The following BMP7 variants were observed in gnomAD, a reference collection of about 807,000 sequenced individuals.
BMP7 encodes osteogenic protein 1.
Under a neutral mutation model 41.2 loss-of-function variants are expected in BMP7, and 12 were observed. The ratio of observed to expected loss-of-function variants is 0.29; its 90% CI spans 0.19 to 0.47. The LOEUF (loss-of-function observed/expected upper bound fraction) is 0.47. BMP7 is among the 20% of genes least tolerant of loss of function. The probability of loss-of-function intolerance (pLI) is 0.99; values close to 1 mark genes in which losing one functional copy is unlikely to be tolerated. For missense variants in BMP7, 467 were observed against 606.0 expected (o/e 0.77, Z 2.41); for synonymous variants, 248 against 250.0 (o/e 0.99, Z 0.07).
In BMP7 at chr20:57,172,655, C is replaced by T. The variant is rs79979810; in HGVS notation, c.1146+545G>A. 1.3e-3 allele frequency among the ~76,000 whole-genome samples: 191 copies of T among 152,334 alleles called. 1 individual carries two copies. Among genetic ancestry groups the T allele is most frequent in the African/African-American group, 4.4e-3 (183 of 41,576 alleles). On this transcript the variant is annotated intron_variant, in intron 6 of 6. Transcript: ENST00000395863. ...CTCTTATCACTATGGTTGCTGTTGG[C>T]AGAGCAGGAATAACACCTACTGAGT...
At chr20:57,239,527 A>C (rs749829054) in intron 1 of BMP7, among the ~76,000 whole-genome samples, 3 of 152,160 alleles carry the variant, frequency 2.0e-5, no homozygotes, top group Non-Finnish European at 4.4e-5. Context: ...TGGGGTCTGG[A>C]GGACAGTGGC....
At chr20:57,226,824 CTT>C (rs36113686) in intron 2 of BMP7, among the ~76,000 whole-genome samples, 37 of 123,140 alleles carry the variant, frequency 3.0e-4, no homozygotes, top group Non-Finnish European at 4.0e-4. Flanking sequence ...TACTCAAAAA[CTT>C]TTTTTTTTTT....
chr20:57,198,957 C>T (rs7267590), intron 3 of BMP7, among the ~76,000 whole-genome samples: 5,042 of 152,300 alleles, frequency 0.033, 278 homozygotes, highest in African/African-American at 0.11. Context: ...TCTCCACCCA[C>T]GCACAGTGTA....
chr20:57,180,710 T>C (rs543640685), intron 4 of BMP7, among the ~76,000 whole-genome samples: 2 of 152,218 alleles, frequency 1.3e-5, no homozygotes, highest in South Asian at 2.1e-4. Flanking sequence ...CAAAGACCCC[T>C]TTGAGAAACC....
intron 1 of BMP7, among the ~76,000 whole-genome samples, chr20:57,265,503 C>G (rs1185599905): frequency 6.6e-6 from 1 of 152,266 alleles, no homozygotes; most frequent in Non-Finnish European, 1.5e-5. Flanking sequence ...CCCCTACAGG[C>G]TCACCGAACC....
chr20:57,189,526 G>A (rs1984301121), intron 3 of BMP7, among the ~76,000 whole-genome samples: 1 of 152,228 alleles, frequency 6.6e-6, no homozygotes, highest in Non-Finnish European at 1.5e-5. Flanking sequence ...CGCAGAGACA[G>A]GGTGCCATTC....
chr20:57,202,395 C>A (rs1984641520), intron 3 of BMP7, 80 bp downstream of exon 3: 2 of 1,549,326 alleles, frequency 1.3e-6, no homozygotes, highest in Non-Finnish European at 1.7e-6. Context: ...TGTAGTGAAG[C>A]AAGCATGAGC....
chr20:57,213,446 C>G lies in BMP7; in HGVS notation c.612-10823G>C, dbSNP rs920237298. Among the ~76,000 whole-genome samples the G allele has an allele frequency of 2.6e-5, 4 of 152,210 alleles. No homozygotes were observed. The highest frequency in any genetic ancestry group is 9.7e-5 in the African/African-American group (4 of 41,444). On this transcript the variant is annotated intron_variant, in intron 2 of 6. Coordinates refer to ENST00000395863, the MANE Select transcript of BMP7 (RefSeq NM_001719.3). This position sits in a 1 kb window ranked among gnomAD's most constrained non-coding sequence, Gnocchi z 4.4. ...TGAGGTTGGGAAGCACCACATGACA[C>G]ATTGCTCCTTAGAGATGTCATAATG...
Position 57,215,357 on chromosome 20 carries a change from G to A in BMP7, c.612-12734C>T, listed in dbSNP as rs1400081689. On this transcript the variant is annotated intron_variant, in intron 2 of 6. Coordinates refer to ENST00000395863, the MANE Select transcript of BMP7 (RefSeq NM_001719.3). The surrounding 1 kb of genome is among the most constrained non-coding windows in gnomAD (Gnocchi z 4.2). ...CCCCACATCAGGCAAAAATCAAGAG[G>A]ACTCAGGTGGGCAGAAAGCAACAGC... Among the ~76,000 whole-genome samples the A allele has an allele frequency of 6.6e-6, 1 of 152,214 alleles. No homozygotes were observed. Among genetic ancestry groups the A allele is most frequent in the Non-Finnish European group, 1.5e-5 (1 of 68,048 alleles).
chr20:57,252,110 C>T (rs182110181), intron 1 of BMP7, among the ~76,000 whole-genome samples: 5 of 152,264 alleles, frequency 3.3e-5, no homozygotes, highest in East Asian at 3.9e-4. Flanking sequence ...CCTGTCGCAG[C>T]GGCAGTAAAG....
chr20:57,235,787 A>C (rs2066045289), intron 1 of BMP7, among the ~76,000 whole-genome samples: 2 of 152,242 alleles, frequency 1.3e-5, no homozygotes, highest in African/African-American at 4.8e-5. Flanking sequence ...TTGAATGTCA[A>C]GCTAAGGGGT....
chr20:57,245,486 A>T (rs62205693), intron 1 of BMP7, among the ~76,000 whole-genome samples: 26,950 of 151,928 alleles, frequency 0.18, 2,556 homozygotes, highest in South Asian at 0.22. Context: ...TGCTGGAATT[A>T]CAGGCATGAG....
Position 57,173,313 on chromosome 20 carries a change from G to A in BMP7, c.1036-3C>T. 6.2e-7 allele frequency: 1 copy of A among 1,613,184 alleles called. No individual in the cohort carries two copies. The highest frequency in any genetic ancestry group is 8.5e-7 in the Non-Finnish European group (1 of 1,179,204). On this transcript the variant is annotated splice_region_variant and splice_polypyrimidine_tract_variant and intron_variant, in intron 5 of 6. Coordinates refer to ENST00000395863, the MANE Select transcript of BMP7 (RefSeq NM_001719.3). ...CCTTCAGGCGCGATGATCCAGTCCTGAGGAGGAGAAGAGAGTGTGGGAAAC... is the reference window on the plus strand; with the variant it reads ...CCTTCAGGCGCGATGATCCAGTCCTAAGGAGGAGAAGAGAGTGTGGGAAAC...
intron 2 of BMP7, among the ~76,000 whole-genome samples, chr20:57,209,246 T>TA (rs1491314965): frequency 0.11 from 7,546 of 68,270 alleles, 451 homozygotes; most frequent in South Asian, 0.17. Context: ...GATTTATATA[T>TA]TTTTATATAT....
In BMP7 at chr20:57,266,206, G is replaced by A. The variant is rs1443672394; in HGVS notation, c.-84C>T. 3 of 1,336,798 alleles carry A rather than the reference G, an allele frequency of 2.2e-6. No homozygotes were observed. The highest frequency in any genetic ancestry group is 2.9e-6 in the Non-Finnish European group (3 of 1,039,046). The allele number at this position is 1,336,798 out of a possible 1,614,324, so 82.8% of individuals were successfully genotyped here. ...GCAGAGGGGGCAGGCGGCCGTCCGCGCCGCTCGGTCACTTGCTGCAGACGG... is the reference window on the plus strand; with the variant it reads ...GCAGAGGGGGCAGGCGGCCGTCCGCACCGCTCGGTCACTTGCTGCAGACGG... On this transcript the variant is annotated 5_prime_UTR_variant, in exon 1 of 7. Transcript: ENST00000395863.
At chr20:57,195,260 G>A (rs758730272) in intron 3 of BMP7, among the ~76,000 whole-genome samples, 4 of 152,120 alleles carry the variant, frequency 2.6e-5, no homozygotes, top group African/African-American at 4.8e-5. Context: ...TTTCCTTGTG[G>A]CTTTTTTGTT....
chr20:57,184,504 G>A (rs1423518231), intron 3 of BMP7, among the ~76,000 whole-genome samples: 1 of 152,078 alleles, frequency 6.6e-6, no homozygotes, highest in Non-Finnish European at 1.5e-5. Context: ...CAAGTAGCAG[G>A]GACAACTGGG....
In BMP7 at chr20:57,202,627, C is replaced by T. The variant is rs775526020; in HGVS notation, c.612-4G>A. 2.4e-5 allele frequency: 39 copies of T among 1,604,272 alleles called. No homozygotes were observed. The highest frequency in any genetic ancestry group is 6.6e-5 in the South Asian group (6 of 90,984). On this transcript the variant is annotated splice_polypyrimidine_tract_variant and splice_region_variant and intron_variant, in intron 2 of 6. Coordinates refer to ENST00000395863, the MANE Select transcript of BMP7 (RefSeq NM_001719.3). ...GAGCAGGAAGAGATCCGATTCCCTG[C>T]GAGAGAGGAGGAGAGACACGGGCTT...
chr20:57,218,726 GTTTGTTCGGTGGTAGCTGGCA>G (rs1985102507), intron 2 of BMP7, among the ~76,000 whole-genome samples: 1 of 150,324 alleles, frequency 6.7e-6, no homozygotes, highest in Non-Finnish European at 1.5e-5. Context: ...GGTAGCTGGT[GTTTGTTCGGTGGTAGCTGGCA>G]TTTGTTCGGT....
Sources: allele counts gnomAD v4.1 joint callset (sites outside exome capture counted in the v4.1 genomes callset), GRCh38; gene constraint gnomAD v4.1.1; non-coding constraint Gnocchi (gnomAD v3.1); transcripts MANE v1.5; gene names NCBI Gene and HGNC (gene_info 2026-07-23, HGNC 2026-07-21).